The following OSCP1 variants were observed in gnomAD, a reference collection of about 807,000 sequenced individuals.
OSCP1 encodes the protein protein OSCP1.
A neutral mutation model predicts 45.1 loss-of-function variants in OSCP1; 35 were observed. The observed-to-expected ratio is 0.78, with a 90% confidence interval of 0.59 to 1.03. The LOEUF is 1.03. Among genes scored for constraint, OSCP1 ranks in the 50% least tolerant of loss-of-function variants. The pLI, the probability that OSCP1 is intolerant of heterozygous loss-of-function variation, is 0.00. For synonymous variants in OSCP1, 179 were observed against 180.1 expected (o/e 0.99, Z 0.05); for missense variants, 400 against 470.7 (o/e 0.85, Z 1.39).
intron 4 of OSCP1, among the ~76,000 whole-genome samples, chr1:36,429,606 C>T (rs1158820835): frequency 2.9e-5 from 4 of 139,748 alleles, no homozygotes; most frequent in Non-Finnish European, 6.1e-5. Flanking sequence ...ATGGATCCAC[C>T]ATGGCTCACT....
At chr1:36,429,535 ATTTTTTTTT>A (rs200043573) in intron 4 of OSCP1, among the ~76,000 whole-genome samples, 26,484 of 101,132 alleles carry the variant, frequency 0.26, 3,065 homozygotes, top group South Asian at 0.37. Flanking sequence ...GAAGCTTAGA[ATTTTTTTTT>A]TTTTTTTTTT....
At chr1:36,419,863 G>C (rs1290045858) in intron 8 of OSCP1, among the ~76,000 whole-genome samples, 1 of 152,070 alleles carries the variant, frequency 6.6e-6, no homozygotes, top group East Asian at 1.9e-4. Flanking sequence ...TCCTAGGCTG[G>C]AATGCAGTGG....
At position 36,446,314 on chromosome 1, in the gene OSCP1, C is replaced by T. The variant is rs575798195; in HGVS notation, c.112+3944G>A. The stretch of plus-strand genomic sequence containing the variant: ...CTGGGAATATAGGCGTGAGCCACTG[C>T]GCCCGGCCCCTGCAGCATTTATTTA... On this transcript the variant is annotated intron_variant, in intron 1 of 9. Transcript: ENST00000235532. Among the ~76,000 whole-genome samples the T allele has an allele frequency of 3.3e-5, 5 of 152,328 alleles. No homozygotes were observed. In the East Asian group the frequency reaches 5.8e-4, roughly 18 times the overall value.
In OSCP1 at chr1:36,423,415, A is replaced by G; in HGVS notation, c.568T>C (p.Leu190=). ...CAAGGAACAGGCCCGGACACCGGCAACACAAAGCGACCGTTATTATTCTGA... is the reference window on the plus strand; with the variant it reads ...CAAGGAACAGGCCCGGACACCGGCAGCACAAAGCGACCGTTATTATTCTGA... ...KVQNNNGRFV[L]PVSGPVPWGT... The change falls in exon 5 of 10, where the codon TTG becomes CTG. Residue 190 remains leucine (L), a synonymous_variant. Transcript: ENST00000235532. 6.2e-7 allele frequency: 1 copy of G among 1,613,960 alleles called. No individual in the cohort carries two copies. The highest frequency in any genetic ancestry group is 8.5e-7 in the Non-Finnish European group (1 of 1,179,892).
chr1:36,445,903 G>A (rs1362404238), intron 1 of OSCP1, among the ~76,000 whole-genome samples: 1 of 151,714 alleles, frequency 6.6e-6, no homozygotes, highest in African/African-American at 2.4e-5. Context: ...AGTAGAGACG[G>A]GGTTTCTCCA....
At chr1:36,440,496 G>T (rs116452848) in intron 1 of OSCP1, among the ~76,000 whole-genome samples, 2,103 of 152,286 alleles carry the variant, frequency 0.014, 27 homozygotes, top group African/African-American at 0.041. Flanking sequence ...CTATTACTCA[G>T]TGAGGGAGAA....
At chr1:36,448,957 T>C (rs543633851) in intron 1 of OSCP1, among the ~76,000 whole-genome samples, 2 of 152,318 alleles carry the variant, frequency 1.3e-5, no homozygotes, top group Admixed American at 6.5e-5. Context: ...AGAAAGCTCA[T>C]TGGCGGCAAT....
chr1:36,435,091 CT>C (rs201268337), intron 2 of OSCP1, among the ~76,000 whole-genome samples: 4,022 of 125,720 alleles, frequency 0.032, 41 homozygotes, highest in African/African-American at 0.085. Flanking sequence ...TTTTCTTTTT[CT>C]TTTTTTTTTT....
chr1:36,434,872 A>G (rs1365907002), intron 2 of OSCP1, among the ~76,000 whole-genome samples: 1 of 151,940 alleles, frequency 6.6e-6, no homozygotes, highest in African/African-American at 2.4e-5. Flanking sequence ...CTCTGCCATC[A>G]TTGTCAAACA....
chr1:36,420,908 T>C (rs1647579994), intron 7 of OSCP1, among the ~76,000 whole-genome samples: 1 of 152,136 alleles, frequency 6.6e-6, no homozygotes, highest in Non-Finnish European at 1.5e-5. Flanking sequence ...AAGAAGTGTA[T>C]GGCTTCCTTT....
chr1:36,447,176 G>T lies in OSCP1; in HGVS notation c.112+3082C>A, dbSNP rs1479253158. On this transcript the variant is annotated intron_variant, in intron 1 of 9. Coordinates refer to ENST00000235532, the MANE Select transcript of OSCP1 (RefSeq NM_145047.5). The surrounding 1 kb of genome is among the most constrained non-coding windows in gnomAD (Gnocchi z 4.1). ...CCTGTGTACAGGGATCTGTTACAGGGGCTCTCGCTCCTGTGGCCACAACAA... is the reference window on the plus strand; with the variant it reads ...CCTGTGTACAGGGATCTGTTACAGGTGCTCTCGCTCCTGTGGCCACAACAA... Among the ~76,000 whole-genome samples the T allele has an allele frequency of 6.6e-6, 1 of 152,132 alleles. No individual in the cohort carries two copies. The highest frequency in any genetic ancestry group is 2.4e-5 in the African/African-American group (1 of 41,412).
At chr1:36,424,240 T>A (rs72919376) in intron 4 of OSCP1, among the ~76,000 whole-genome samples, 1 of 152,196 alleles carries the variant, frequency 6.6e-6, no homozygotes, top group African/African-American at 2.4e-5. Context: ...CGTGCTCGGC[T>A]ACAAACAGAA....
intron 1 of OSCP1, 129 bp downstream of exon 1, chr1:36,450,129 G>C (rs1649807802): frequency 2.7e-6 from 2 of 735,140 alleles, no homozygotes; most frequent in Non-Finnish European, 4.5e-6. Context: ...GATGTGGCTT[G>C]TAAGAAAGGT....
rs879860561 is a variant in OSCP1, at chr1:36,444,471, CT to C, written c.113-5562del. Among the ~76,000 whole-genome samples the C allele has an allele frequency of 6.3e-4, 94 of 149,050 alleles. 1 individual carries two copies. Among genetic ancestry groups the C allele is most frequent in the South Asian group, 3.6e-3 (17 of 4,714 alleles). ...TACAATCTGAGTTTTCTTTTCTTTT[CT>C]TTTTTTTTTATTAATGTAAGATTTC... is the stretch of plus-strand genomic sequence containing the variant. On this transcript the variant is annotated intron_variant, in intron 1 of 9. Transcript: ENST00000235532.
intron 4 of OSCP1, chr1:36,428,544 T>G (rs1648136545): frequency 6.7e-7 from 1 of 1,494,128 alleles, no homozygotes. Flanking sequence ...AAATTAGGTA[T>G]TATAATTTTC....
intron 1 of OSCP1, among the ~76,000 whole-genome samples, chr1:36,449,235 A>G (rs1187208588): frequency 6.6e-6 from 1 of 152,218 alleles, no homozygotes; most frequent in Non-Finnish European, 1.5e-5. Flanking sequence ...AATTTGGTAT[A>G]AGCAAGTTGT....
rs770900052 is a variant in OSCP1, at chr1:36,432,571, T to C, written c.286A>G (p.Met96Val). The change falls in exon 3 of 10, where the codon ATG becomes GTG. Residue 96 changes from methionine (M) to valine (V), a missense_variant. Transcript: ENST00000235532. Reference sequence around the variant, plus strand: ...AGCAATACTTGATATTTGAAAGCCATGGTCATCAGGTCATAGAGCTGCCAA... The same window carrying C: ...AGCAATACTTGATATTTGAAAGCCACGGTCATCAGGTCATAGAGCTGCCAA... ...SMDKLYDLMT[M>V]AFKYQVLLCP... The C allele has an allele frequency of 4.3e-6, 7 of 1,614,060 alleles. No homozygotes were observed. Among genetic ancestry groups the C allele is most frequent in the Non-Finnish European group, 5.9e-6 (7 of 1,180,046 alleles).
In OSCP1 at chr1:36,429,655, T is replaced by C. The variant is rs576445244; in HGVS notation, c.516+2147A>G. 1.1e-4 allele frequency among the ~76,000 whole-genome samples: 16 copies of C among 150,512 alleles called. No individual in the cohort carries two copies. The East Asian group carries it at 3.0e-3, about 28-fold the overall frequency. ...CATTTCAGCCTCCTAACTGGGACTATAGGCATGCGCCACCATGCCTGGCTA... is the reference window on the plus strand; with the variant it reads ...CATTTCAGCCTCCTAACTGGGACTACAGGCATGCGCCACCATGCCTGGCTA... On this transcript the variant is annotated intron_variant, in intron 4 of 9. Transcript: ENST00000235532.
intron 1 of OSCP1, among the ~76,000 whole-genome samples, chr1:36,443,210 T>G (rs530471867): frequency 1.3e-5 from 2 of 152,120 alleles, no homozygotes; most frequent in South Asian, 4.1e-4. Flanking sequence ...GTGATCCTCC[T>G]GCCTCAGATT....
Sources: gnomAD v4.1 joint callset for allele counts (sites outside exome capture counted in the v4.1 genomes callset) on GRCh38, gnomAD v4.1.1 for gene constraint, Gnocchi (gnomAD v3.1) non-coding constraint, MANE v1.5 for transcripts, NCBI Gene and HGNC (gene_info 2026-07-23, HGNC 2026-07-21) for gene names.